PLXDC2: variants seen among roughly 807,000 people sequenced by gnomAD.
The protein encoded by PLXDC2 is plexin domain-containing protein 2.
In PLXDC2, 40 loss-of-function variants were observed where a neutral mutation model predicts 68.9. The observed-to-expected ratio is 0.58, with a 90% CI of 0.45 to 0.76. The LOEUF (loss-of-function observed/expected upper bound fraction) is 0.76, where lower values mean the gene tolerates loss of function less well. Among genes scored for constraint, PLXDC2 ranks in the 30% least tolerant of loss-of-function variants. The pLI, the probability that PLXDC2 is intolerant of heterozygous loss-of-function variation, is 0.00. For missense variants in PLXDC2, 644 were observed against 661.9 expected, an observed-to-expected ratio of 0.97 and a Z score of 0.30; for synonymous variants, 243 against 234.2, an observed-to-expected ratio of 1.04 and a Z score of -0.34.
chr10:19,992,650 GATTA>G (rs1043734208), intron 1 of PLXDC2, among the ~76,000 whole-genome samples: 18 of 152,196 alleles, frequency 1.2e-4, no homozygotes, highest in African/African-American at 4.3e-4. Context: ...TTAATGCAAA[GATTA>G]ATTGTTTTAA....
intron 13 of PLXDC2, among the ~76,000 whole-genome samples, chr10:20,249,877 A>C (rs963675946): frequency 6.6e-6 from 1 of 152,134 alleles, no homozygotes; most frequent in Non-Finnish European, 1.5e-5. Context: ...ATGTAACCCA[A>C]TGGATATCTT....
At chr10:20,022,530 G>T (rs1020086002) in intron 2 of PLXDC2, among the ~76,000 whole-genome samples, 9 of 152,232 alleles carry the variant, frequency 5.9e-5, no homozygotes, top group Admixed American at 3.9e-4. Flanking sequence ...GTATTCTGTG[G>T]CCATTATTTG....
chr10:20,163,700 A>G (rs1424951440), intron 6 of PLXDC2, among the ~76,000 whole-genome samples: 3 of 152,092 alleles, frequency 2.0e-5, no homozygotes. Context: ...TCTCCAATGG[A>G]TCTTTTCTGA....
intron 1 of PLXDC2, among the ~76,000 whole-genome samples, chr10:19,875,117 C>G (rs930703661): frequency 3.3e-5 from 5 of 152,092 alleles, no homozygotes; most frequent in African/African-American, 7.2e-5. Flanking sequence ...CAAAGCAGTT[C>G]GTAGGTGCTC....
chr10:19,826,737 A>T (rs576793866), intron 1 of PLXDC2, among the ~76,000 whole-genome samples: 1 of 152,326 alleles, frequency 6.6e-6, no homozygotes, highest in East Asian at 1.9e-4. Flanking sequence ...ATGTAGCTTT[A>T]AAAAAGGTGG....
At chr10:20,020,160 T>A (rs1401583678) in intron 2 of PLXDC2, among the ~76,000 whole-genome samples, 1 of 146,746 alleles carries the variant, frequency 6.8e-6, no homozygotes, top group Non-Finnish European at 1.5e-5. Flanking sequence ...TACAAACACA[T>A]GCCACCACAC....
intron 7 of PLXDC2, among the ~76,000 whole-genome samples, chr10:20,168,714 C>G (rs1395782891): frequency 6.6e-6 from 1 of 152,114 alleles, no homozygotes; most frequent in Non-Finnish European, 1.5e-5. Context: ...ACAGGACTGA[C>G]TTTGGTTGTT....
chr10:20,211,842 A>G (rs1026994135), intron 10 of PLXDC2, 113 bp downstream of exon 10: 3 of 992,160 alleles, frequency 3.0e-6, no homozygotes, highest in African/African-American at 3.3e-5. Flanking sequence ...TGAAAGGAGA[A>G]GAATCCTTCT....
At chr10:19,955,579 C>G (rs938857549) in intron 1 of PLXDC2, among the ~76,000 whole-genome samples, 1 of 152,034 alleles carries the variant, frequency 6.6e-6, no homozygotes, top group Non-Finnish European at 1.5e-5. Flanking sequence ...AAATGTAATA[C>G]AGCACTTTTA....
intron 7 of PLXDC2, among the ~76,000 whole-genome samples, chr10:20,174,317 A>G (rs1474051972): frequency 2.1e-5 from 3 of 141,640 alleles, no homozygotes; most frequent in Non-Finnish European, 4.7e-5. Context: ...ACTAAAAAAA[A>G]AATGATGTGA....
At chr10:20,106,152 C>T (rs1286273689) in intron 4 of PLXDC2, among the ~76,000 whole-genome samples, 1 of 152,150 alleles carries the variant, frequency 6.6e-6, no homozygotes, top group East Asian at 1.9e-4. Flanking sequence ...GGAGGAACTT[C>T]CTTGTGTTTT....
intron 1 of PLXDC2, among the ~76,000 whole-genome samples, chr10:19,971,476 A>T (rs1485614981): frequency 6.6e-6 from 1 of 152,176 alleles, no homozygotes; most frequent in Non-Finnish European, 1.5e-5. Context: ...TAAGAATTCA[A>T]TAAGAGTGCT....
intron 1 of PLXDC2, among the ~76,000 whole-genome samples, chr10:19,876,128 A>G (rs555325678): frequency 2.4e-4 from 36 of 152,184 alleles, no homozygotes; most frequent in Non-Finnish European, 4.3e-4. Context: ...TGTTTACACT[A>G]TGGGTCTGGG....
intron 9 of PLXDC2, among the ~76,000 whole-genome samples, chr10:20,200,952 C>T (rs1337978872): frequency 1.3e-5 from 2 of 151,974 alleles, no homozygotes; most frequent in African/African-American, 2.4e-5. Flanking sequence ...CTGGTACAGC[C>T]GCTGTGGAGA....
intron 1 of PLXDC2, among the ~76,000 whole-genome samples, chr10:19,904,845 G>A (rs1335673555): frequency 6.6e-6 from 1 of 152,182 alleles, no homozygotes; most frequent in Non-Finnish European, 1.5e-5. Context: ...ATTTTAATAA[G>A]TAAGAATCCT....
intron 13 of PLXDC2, among the ~76,000 whole-genome samples, chr10:20,265,451 G>A (rs939928704): frequency 6.6e-6 from 1 of 152,116 alleles, no homozygotes; most frequent in East Asian, 1.9e-4. Flanking sequence ...GGAAATGTCT[G>A]GAACATGCTT....
At chr10:20,108,648 A>T (rs1247339841) in intron 4 of PLXDC2, among the ~76,000 whole-genome samples, 1 of 152,122 alleles carries the variant, frequency 6.6e-6, no homozygotes, top group Non-Finnish European at 1.5e-5. Flanking sequence ...GATATAGGTT[A>T]TTATCAGTAT....
At position 20,108,988 on chromosome 10, in the gene PLXDC2, T is replaced by A. The variant is rs930153356; in HGVS notation, c.542-34307T>A. On this transcript the variant is annotated intron_variant, in intron 4 of 13. Transcript: ENST00000377252. ...TCAAATAAGAACTGAAATCAACAAA[T>A]GTCTTGAACATTTCTCCAAGGAGAA... 3.3e-5 allele frequency among the ~76,000 whole-genome samples: 5 copies of A among 152,148 alleles called. No homozygotes were observed. The South Asian group carries it at 1.0e-3, about 31-fold the overall frequency.
intron 6 of PLXDC2, among the ~76,000 whole-genome samples, chr10:20,162,077 AAG>A (rs1834306112): frequency 2.1e-5 from 2 of 93,672 alleles, no homozygotes; most frequent in African/African-American, 7.7e-5. Context: ...AGAGAGAAGG[AAG>A]GAAGGAAGGA....
Sources: allele counts gnomAD v4.1 joint callset (sites outside exome capture counted in the v4.1 genomes callset), GRCh38; gene constraint gnomAD v4.1.1; transcripts MANE v1.5; gene names NCBI Gene and HGNC (gene_info 2026-07-23, HGNC 2026-07-21).